Variants in SLC39A1 observed in about 807,000 individuals in gnomAD.
The protein encoded by SLC39A1 is zinc transporter ZIP1.
Under a neutral mutation model 21.4 loss-of-function variants are expected in SLC39A1, and 17 were observed. The observed-to-expected ratio is 0.79, with a 90% CI of 0.54 to 1.19. The LOEUF is 1.19. Among genes scored for constraint, SLC39A1 ranks in the 50% most tolerant of loss-of-function variants. The pLI is 0.00. For missense variants in SLC39A1, 343 were observed against 399.8 expected (o/e 0.86, Z 1.21); for synonymous variants, 183 against 185.9 (o/e 0.98, Z 0.13).
upstream of SLC39A1, chr1:153,964,496 G>T (rs1647676553): frequency 6.6e-6 from 1 of 151,862 alleles, no homozygotes; most frequent in Non-Finnish European, 1.5e-5. Context: ...GGTGAAAAAA[G>T]CTTCATTGCC....
At chr1:153,962,903 A>T (rs1299521518) in intron 1 of SLC39A1, 156 bp from the exon 2 acceptor site, 1 of 510,384 alleles carries the variant, frequency 2.0e-6, no homozygotes, top group Non-Finnish European at 3.4e-6. Context: ...TACCAGGAAC[A>T]TTCCTCTCTT....
chr1:153,964,729 C>T (rs538940700), upstream of SLC39A1: 3 of 151,820 alleles, frequency 2.0e-5, no homozygotes, highest in Admixed American at 2.0e-4. Flanking sequence ...CACCTGAGGA[C>T]AGAAGTTCAA....
rs1225776830 is a variant in SLC39A1, at chr1:153,959,143, C to A, written c.*955G>T. 2 of 398,712 alleles carry A rather than the reference C, an allele frequency of 5.0e-6. No individual in the cohort carries two copies. The highest frequency in any genetic ancestry group is 2.1e-5 in the African/African-American group (1 of 48,572). The allele number at this position is 398,712 out of a possible 1,614,324, so 24.7% of individuals were successfully genotyped here. On this transcript the variant is annotated 3_prime_UTR_variant, in exon 4 of 4. Transcript: ENST00000356205. ...AACATCTTTTATTTGGGTAACAGGT[C>A]CCAAAACAGGTCAGTTAATAAAATA...
chr1:153,968,057 T>C, upstream of SLC39A1: 1 of 154,570 alleles, frequency 6.5e-6, no homozygotes. Flanking sequence ...AAGAGAAAAC[T>C]GCAGCAGAAA....
At chr1:153,962,010 C>T (rs993900636) in intron 3 of SLC39A1, among the ~76,000 whole-genome samples, 6 of 152,208 alleles carry the variant, frequency 3.9e-5, no homozygotes, top group South Asian at 2.1e-4. Flanking sequence ...ACTGTCTCAA[C>T]GGGAATGTAG....
Position 153,959,476 on chromosome 1 carries a change from T to A in SLC39A1, c.*622A>T, listed in dbSNP as rs909239848. Reference sequence around the variant, plus strand: ...CACTGAGGTGCTGGGTAGGGCTCAGTGCCACATTACTGTGCTTTGAGAAAG... The same window carrying A: ...CACTGAGGTGCTGGGTAGGGCTCAGAGCCACATTACTGTGCTTTGAGAAAG... On this transcript the variant is annotated 3_prime_UTR_variant, in exon 4 of 4. Coordinates refer to ENST00000356205, the MANE Select transcript of SLC39A1 (RefSeq NM_001271958.2). 2 of 394,696 alleles carry A rather than the reference T, an allele frequency of 5.1e-6. No homozygotes were observed. The highest frequency in any genetic ancestry group is 8.9e-6 in the Non-Finnish European group (2 of 223,914). 24.4% of individuals were successfully genotyped at this position (394,696 alleles called of 1,614,324 possible). A position where few individuals can be genotyped will look rare whatever the true frequency, so the allele number is the denominator to read the frequency against.
At chr1:153,962,190 C>A (rs765829745) in intron 3 of SLC39A1, 30 bp downstream of exon 3, 1 of 1,606,632 alleles carries the variant, frequency 6.2e-7, no homozygotes, top group Non-Finnish European at 8.5e-7. Flanking sequence ...ATTCCCCTCC[C>A]GCAAGTCACA....
At chr1:153,965,970 G>A (rs573407366), upstream of SLC39A1, among the ~76,000 whole-genome samples, 4 of 151,994 alleles carry the variant, frequency 2.6e-5, no homozygotes, top group Admixed American at 6.6e-5. Flanking sequence ...ATAAATCAGG[G>A]GCAAGGAGGA....
chr1:153,962,866 C>A (rs763972100), intron 1 of SLC39A1, 119 bp from the exon 2 acceptor site: 5 of 706,814 alleles, frequency 7.1e-6, no homozygotes, highest in Non-Finnish European at 9.0e-6. Flanking sequence ...TGACCTTCCC[C>A]TACCCAGGGT....
chr1:153,961,899 T>C (rs749369719), intron 3 of SLC39A1, among the ~76,000 whole-genome samples: 12 of 152,142 alleles, frequency 7.9e-5, no homozygotes, highest in South Asian at 6.2e-4. Flanking sequence ...TCCAGCCCTT[T>C]AGGAAAGTGG....
upstream of SLC39A1, among the ~76,000 whole-genome samples, chr1:153,966,155 C>T (rs1647768518): frequency 6.6e-6 from 1 of 152,146 alleles, no homozygotes; most frequent in Non-Finnish European, 1.5e-5. Context: ...CTTTGCTTTC[C>T]TTGGAGCTCT....
rs562380176 is a variant in SLC39A1 at position 153,959,845 on chromosome 1, A to G, written c.*253T>C. The G allele has an allele frequency of 4.3e-5, 21 of 487,308 alleles. No homozygotes were observed. The highest frequency in any genetic ancestry group is 6.9e-5 in the Admixed American group (2 of 28,878). The allele number at this position is 487,308 out of a possible 1,614,324, so 30.2% of individuals were successfully genotyped here. A position where few individuals can be genotyped will look rare whatever the true frequency, so the allele number is the denominator to read the frequency against. Reference sequence around the variant, plus strand: ...TTCTAGCAGTCAAGTGTCTTCCCCAATCCTAATGTCCCCTGATATGTCTCT... The same window carrying G: ...TTCTAGCAGTCAAGTGTCTTCCCCAGTCCTAATGTCCCCTGATATGTCTCT... On this transcript the variant is annotated 3_prime_UTR_variant, in exon 4 of 4. Coordinates refer to ENST00000356205, the MANE Select transcript of SLC39A1 (RefSeq NM_001271958.2).
At chr1:153,964,752 CAACATGGTGA>C (rs1249430752), upstream of SLC39A1, 1 of 151,938 alleles carries the variant, frequency 6.6e-6, no homozygotes, top group Non-Finnish European at 1.5e-5. Context: ...CCAGCCTGGT[CAACATGGTGA>C]AACCCCGTCT....
At chr1:153,962,896 C>A in intron 1 of SLC39A1, 149 bp from the exon 2 acceptor site, 1 of 532,668 alleles carries the variant, frequency 1.9e-6, no homozygotes, top group East Asian at 3.1e-5. Flanking sequence ...ACTCCTGTAC[C>A]AGGAACATTC....
upstream of SLC39A1, chr1:153,967,467 G>C (rs1647869732): frequency 6.6e-6 from 1 of 152,184 alleles, no homozygotes; most frequent in African/African-American, 2.4e-5. Flanking sequence ...CTTTAGGCTG[G>C]CGGAACCCAA....
chr1:153,962,256 A>T lies in SLC39A1; in HGVS notation c.282T>A (p.Ala94=), dbSNP rs1171139308. 1.2e-6 allele frequency: 2 copies of T among 1,614,148 alleles called. No homozygotes were observed. Among genetic ancestry groups the T allele is most frequent in the Admixed American group, 1.7e-5 (1 of 60,016 alleles). Residue 94 remains alanine, a synonymous_variant, in exon 3 of 4, where the codon GCT becomes GCA. Coordinates refer to ENST00000356205, the MANE Select transcript of SLC39A1 (RefSeq NM_001271958.2). ...AGGCTGCCAGGGCCTCATCTATGGC[A>T]GCCAGGTAGTCAGGCAGCAGGTCCA... ...CLLDLLPDYL[A]AIDEALAALH...
chr1:153,962,009 A>G (rs1461974188), intron 3 of SLC39A1, among the ~76,000 whole-genome samples: 1 of 152,218 alleles, frequency 6.6e-6, no homozygotes, highest in East Asian at 1.9e-4. Flanking sequence ...TACTGTCTCA[A>G]CGGGAATGTA....
At chr1:153,967,117 A>G (rs140611534), upstream of SLC39A1, among the ~76,000 whole-genome samples, 212 of 152,384 alleles carry the variant, frequency 1.4e-3, no homozygotes, top group Non-Finnish European at 2.7e-3. Context: ...TATGCAAACA[A>G]TAAGACAACA....
Position 153,962,556 on chromosome 1 carries a change from G to T in SLC39A1, c.160C>A (p.Arg54=), listed in dbSNP as rs143099532. 5 of 1,613,064 alleles carry T rather than the reference G, an allele frequency of 3.1e-6. No homozygotes were observed. Among genetic ancestry groups the T allele is most frequent in the Admixed American group, 3.3e-5 (2 of 59,906 alleles). Residue 54 remains arginine, a synonymous_variant, in exon 2 of 4, where the codon CGG becomes AGG. Coordinates refer to ENST00000356205, the MANE Select transcript of SLC39A1 (RefSeq NM_001271958.2). ...GAGCCTTCATGGTTAGCTCCTGGCC[G>T]GCGCAGCACACAGATGGGCACCAGG... ...CSLVPICVLR[R]PGANHEGSAS...
Sources: gnomAD v4.1 joint callset for allele counts (sites outside exome capture counted in the v4.1 genomes callset) on GRCh38, gnomAD v4.1.1 for gene constraint, MANE v1.5 for transcripts, NCBI Gene and HGNC (gene_info 2026-07-23, HGNC 2026-07-21) for gene names.